The following AKR7A3 variants were observed in gnomAD, a reference collection of about 807,000 sequenced individuals.
The protein encoded by AKR7A3 is AFB1 aldehyde reductase 2.
A neutral mutation model predicts 32.5 loss-of-function variants in AKR7A3; 37 were observed. The observed-to-expected ratio is 1.14, with a 90% CI of 0.88 to 1.50. The LOEUF (loss-of-function observed/expected upper bound fraction) is 1.50. Ranked by LOEUF, AKR7A3 falls within the 40% of genes most tolerant of loss-of-function variation. The pLI is 0.00. For synonymous variants in AKR7A3, 177 were observed against 188.4 expected, an observed-to-expected ratio of 0.94 and a Z score of 0.50; for missense variants, 412 against 453.2, an observed-to-expected ratio of 0.91 and a Z score of 0.83.
rs2093723510 is a variant in AKR7A3, at chr1:19,284,013, G to A, written c.817C>T (p.His273Tyr). The change falls in exon 6 of 7, where the codon CAC becomes TAC. Residue 273 changes from histidine (H) to tyrosine (Y), a missense_variant. Physicochemically the swap from His to Tyr is moderately conservative, Grantham distance 83. Transcript: ENST00000361640. ...CTGGTTACCTGCAGCTGTGAGTGGT[G>A]GTACATCCACCGGAGGGTGGCCGAG... is the stretch of plus-strand genomic sequence containing the variant. ...MTSATLRWMY[H>Y]HSQLQGAHGD... The A allele has an allele frequency of 6.2e-7, 1 of 1,613,272 alleles. No homozygotes were observed. Among genetic ancestry groups the A allele is most frequent in the African/African-American group, 1.3e-5 (1 of 74,768 alleles).
chr1:19,284,846 C>T, intron 4 of AKR7A3, 61 bp from the exon 5 acceptor site: 3 of 1,588,238 alleles, frequency 1.9e-6, no homozygotes, highest in Admixed American at 3.3e-5. Flanking sequence ...CCACATCCCT[C>T]AGGGCTCTGG....
At chr1:19,275,666 G>A in the AKR7A3 span, among the ~76,000 whole-genome samples, 1 of 151,738 alleles carries the variant, frequency 6.6e-6, no homozygotes, top group African/African-American at 2.4e-5. Context: ...TTATCAAAAT[G>A]TGGTAGCATG....
intron 6 of AKR7A3, 124 bp downstream of exon 6, chr1:19,283,868 ATGTT>A: frequency 2.0e-6 from 3 of 1,471,980 alleles, no homozygotes; most frequent in Admixed American, 4.6e-5. Flanking sequence ...AGTGGGAAGA[ATGTT>A]TGTGAGAGTT....
chr1:19,284,882 A>G (rs1421610529), intron 4 of AKR7A3, 97 bp from the exon 5 acceptor site: 10 of 1,565,598 alleles, frequency 6.4e-6, no homozygotes, highest in Non-Finnish European at 7.9e-6. Flanking sequence ...GGGACCCAGG[A>G]GGGCTGAAGA....
At position 19,285,259 on chromosome 1, in the gene AKR7A3, T is replaced by G. The variant is rs1041081869; in HGVS notation, c.508-145A>C. 4 of 779,338 alleles carry G rather than the reference T, an allele frequency of 5.1e-6. No homozygotes were observed. The African/African-American group carries it at 7.1e-5, about 14-fold the overall frequency. The allele number at this position is 779,338 out of a possible 1,614,324, so 48.3% of individuals were successfully genotyped here. On this transcript the variant is annotated intron_variant, in intron 3 of 6. Coordinates refer to ENST00000361640, the MANE Select transcript of AKR7A3 (RefSeq NM_012067.3). ...GTATACTTATTCTAACTGGTGCTGG[T>G]GAAAGAAGCTTATGCCCATGGAAAA...
intron 5 of AKR7A3, 84 bp from the exon 6 acceptor site, chr1:19,284,209 C>A (rs2093724628): frequency 1.3e-6 from 2 of 1,516,794 alleles, no homozygotes; most frequent in South Asian, 2.6e-5. Context: ...CTGTCCCACC[C>A]CACACCCTGC....
At position 19,283,834 on chromosome 1, in the gene AKR7A3, A is replaced by C. The variant is rs11581031; in HGVS notation, c.834+162T>G. 2.1e-3 allele frequency among the ~76,000 whole-genome samples: 307 copies of C among 147,374 alleles called. 4 individuals are homozygous for C. Among genetic ancestry groups the C allele is most frequent in the African/African-American group, 6.6e-3 (267 of 40,454 alleles). ...TGACAGAGTGAGACTCTGTCCCCCCAAAAAAAAAACATAGAAAAAGACCAG... is the reference window on the plus strand; with the variant it reads ...TGACAGAGTGAGACTCTGTCCCCCCCAAAAAAAAACATAGAAAAAGACCAG... On this transcript the variant is annotated intron_variant, in intron 6 of 6. Transcript: ENST00000361640.
intron 5 of AKR7A3, among the ~76,000 whole-genome samples, 163 bp downstream of exon 5, chr1:19,284,523 C>G (rs1364788244): frequency 6.6e-6 from 1 of 151,750 alleles, no homozygotes; most frequent in Non-Finnish European, 1.5e-5. Flanking sequence ...CTGGAGGTCC[C>G]AAGACAACAA....
downstream of AKR7A3, chr1:19,282,423 T>G (rs2093720351): frequency 2.3e-6 from 1 of 428,900 alleles, no homozygotes; most frequent in African/African-American, 2.0e-5. Context: ...ACTGTAAGCT[T>G]CCTGAGGCCC....
chr1:19,286,682 A>G (rs946992954), intron 1 of AKR7A3, among the ~76,000 whole-genome samples: 16 of 151,790 alleles, frequency 1.1e-4, no homozygotes, highest in Admixed American at 2.6e-4. Flanking sequence ...CAAAAAACAA[A>G]CAAACAAACA....
chr1:19,283,060 T>A lies in AKR7A3; in HGVS notation c.835-168A>T, dbSNP rs542467055. 1.4e-4 allele frequency among the ~76,000 whole-genome samples: 21 copies of A among 146,128 alleles called. No homozygotes were observed. In the East Asian group the frequency reaches 4.0e-3, roughly 28 times the overall value. ...GTACCCATGTGACGCAAAACCTGTATCCCTTCCCCTACTGCCACACGACGC... is the reference window on the plus strand; with the variant it reads ...GTACCCATGTGACGCAAAACCTGTAACCCTTCCCCTACTGCCACACGACGC... On this transcript the variant is annotated intron_variant, in intron 6 of 6. Transcript: ENST00000361640.
intron 1 of AKR7A3, among the ~76,000 whole-genome samples, chr1:19,286,693 A>T (rs1258968746): frequency 6.6e-6 from 1 of 151,706 alleles, no homozygotes; most frequent in African/African-American, 2.4e-5. Context: ...CAAACAAACA[A>T]AACAAACAAC....
At chr1:19,285,164 G>A (rs372042622) in intron 3 of AKR7A3, 50 bp from the exon 4 acceptor site, 1 of 1,567,558 alleles carries the variant, frequency 6.4e-7, no homozygotes. Flanking sequence ...CAAAAGAAGA[G>A]ACTTCAAAAT....
intron 1 of AKR7A3, among the ~76,000 whole-genome samples, chr1:19,287,022 G>A (rs1390514229): frequency 6.6e-6 from 1 of 151,834 alleles, no homozygotes; most frequent in African/African-American, 2.4e-5. Context: ...CCAGGCAGAG[G>A]GTACAGATCT....
intron 3 of AKR7A3, 88 bp from the exon 4 acceptor site, chr1:19,285,202 C>A: frequency 8.0e-7 from 1 of 1,253,404 alleles, no homozygotes; most frequent in East Asian, 2.4e-5. Context: ...TATTTCAGAC[C>A]TTAACAATTC....
At chr1:19,288,231 G>C (rs1340686922) in intron 1 of AKR7A3, among the ~76,000 whole-genome samples, 1 of 152,200 alleles carries the variant, frequency 6.6e-6, no homozygotes, top group East Asian at 1.9e-4. Context: ...GCAAGACCAA[G>C]TCATCCAGGC....
At chr1:19,278,433 C>T (rs183275377), downstream of AKR7A3, among the ~76,000 whole-genome samples, 87 of 151,710 alleles carry the variant, frequency 5.7e-4, 1 homozygote, top group East Asian at 0.014. Flanking sequence ...TGGTGGCACA[C>T]GCCTGTAGTC....
downstream of AKR7A3, among the ~76,000 whole-genome samples, chr1:19,281,754 G>A (rs553172127): frequency 1.8e-4 from 28 of 152,036 alleles, no homozygotes; most frequent in Admixed American, 7.2e-4. Context: ...TTTGCCCAAG[G>A]CCCTGGAAGC....
At chr1:19,281,945 C>T (rs2093719466), downstream of AKR7A3, among the ~76,000 whole-genome samples, 1 of 151,916 alleles carries the variant, frequency 6.6e-6, no homozygotes, top group Non-Finnish European at 1.5e-5. Context: ...ACCACTGTAT[C>T]GTGGAAGCAA....
Sources: allele counts gnomAD v4.1 joint callset (sites outside exome capture counted in the v4.1 genomes callset), GRCh38; gene constraint gnomAD v4.1.1; transcripts MANE v1.5; gene names NCBI Gene and HGNC (gene_info 2026-07-23, HGNC 2026-07-21).